The following PEX39 variants were observed in gnomAD, a reference collection of about 807,000 sequenced individuals.
PEX39 encodes peroxisomal biogenesis factor 39.
chr6:42,890,788 T>C, the PEX39 span: 7 of 1,568,928 alleles, frequency 4.5e-6, no homozygotes, highest in East Asian at 4.6e-5. Context: ...GGACGCTCCA[T>C]GTCGGGTCGC....
At chr6:42,890,465 C>A in the PEX39 span, 1 of 1,497,296 alleles carries the variant, frequency 6.7e-7, no homozygotes. Context: ...AGATCGCCGC[C>A]GCAAAGGACC....
chr6:42,890,755 G>A, the PEX39 span: 2 of 1,605,040 alleles, frequency 1.2e-6, no homozygotes, highest in Non-Finnish European at 1.7e-6. Context: ...GCAGAGGCCG[G>A]GGCCGAGCAT....
the PEX39 span, chr6:42,890,793 G>T: frequency 6.4e-7 from 1 of 1,564,614 alleles, no homozygotes; most frequent in African/African-American, 1.4e-5. Flanking sequence ...CTCCATGTCG[G>T]GTCGCGAATC....
chr6:42,890,470 A>T, the PEX39 span: 1 of 1,496,764 alleles, frequency 6.7e-7, no homozygotes, highest in Non-Finnish European at 8.9e-7. Flanking sequence ...GCCGCCGCAA[A>T]GGACCTGGAA....
the PEX39 span, chr6:42,890,637 G>A: frequency 2.5e-5 from 40 of 1,612,588 alleles, no homozygotes; most frequent in African/African-American, 1.6e-4. Flanking sequence ...CAGCCGGGAC[G>A]CTGTGGGTTC....
the PEX39 span, chr6:42,890,539 G>T: frequency 1.3e-6 from 2 of 1,583,080 alleles, no homozygotes. Flanking sequence ...ACCAAGCCAG[G>T]CTCCGCCGGG....
the PEX39 span, chr6:42,890,561 C>T: frequency 1.2e-6 from 2 of 1,606,596 alleles, no homozygotes; most frequent in South Asian, 2.2e-5. Context: ...CCGTTCCTAT[C>T]CTGAGGGTCG....
chr6:42,890,790 T>C, the PEX39 span: 164 of 1,567,462 alleles, frequency 1.0e-4, no homozygotes, highest in Non-Finnish European at 1.4e-4. Flanking sequence ...ACGCTCCATG[T>C]CGGGTCGCGA....
At chr6:42,890,365 G>T in the PEX39 span, 1 of 949,152 alleles carries the variant, frequency 1.1e-6, no homozygotes, top group Non-Finnish European at 1.5e-6. Context: ...CATGGTGGTT[G>T]CAGGAGCAAG....
chr6:42,890,539 GC>G, the PEX39 span: 1 of 1,583,080 alleles, frequency 6.3e-7, no homozygotes, highest in South Asian at 1.1e-5. Context: ...ACCAAGCCAG[GC>G]TCCGCCGGGG....
chr6:42,890,809 C>G, the PEX39 span: 30 of 1,552,870 alleles, frequency 1.9e-5, 1 homozygote, highest in South Asian at 3.5e-4. Flanking sequence ...GAATCCTGAC[C>G]GGCGTGTAAT....
At chr6:42,890,790 T>G in the PEX39 span, 1 of 1,567,462 alleles carries the variant, frequency 6.4e-7, no homozygotes, top group South Asian at 1.2e-5. Context: ...ACGCTCCATG[T>G]CGGGTCGCGA....
At chr6:42,890,743 A>C in the PEX39 span, 1 of 1,607,920 alleles carries the variant, frequency 6.2e-7, no homozygotes, top group Non-Finnish European at 8.5e-7. Flanking sequence ...ACCGAAGCTG[A>C]GGCAGAGGCC....
the PEX39 span, chr6:42,890,419 CTG>C: frequency 2.8e-6 from 4 of 1,445,494 alleles, no homozygotes; most frequent in Admixed American, 2.6e-5. Flanking sequence ...AGATGAGTAA[CTG>C]AATGGCATCC....
the PEX39 span, chr6:42,890,746 C>T: frequency 6.2e-7 from 1 of 1,607,414 alleles, no homozygotes; most frequent in Non-Finnish European, 8.5e-7. Context: ...GAAGCTGAGG[C>T]AGAGGCCGGG....
chr6:42,890,550 G>A, the PEX39 span: 3 of 1,593,098 alleles, frequency 1.9e-6, no homozygotes, highest in South Asian at 3.4e-5. Context: ...CTCCGCCGGG[G>A]CCGTTCCTAT....
the PEX39 span, chr6:42,890,344 T>C: frequency 6.9e-6 from 5 of 725,048 alleles, no homozygotes; most frequent in Admixed American, 1.6e-4. Context: ...CAAATGTAAA[T>C]GCAAAACCCC....
chr6:42,890,467 C>G, the PEX39 span: 4 of 1,497,724 alleles, frequency 2.7e-6, no homozygotes, highest in Non-Finnish European at 3.6e-6. Context: ...ATCGCCGCCG[C>G]AAAGGACCTG....
chr6:42,890,754 G>A, the PEX39 span: 1 of 1,604,642 alleles, frequency 6.2e-7, no homozygotes, highest in Non-Finnish European at 8.5e-7. Flanking sequence ...GGCAGAGGCC[G>A]GGGCCGAGCA....
Sources: gnomAD v4.1 joint callset for allele counts on GRCh38, gnomAD v4.1.1 for gene constraint, MANE v1.5 for transcripts, NCBI Gene and HGNC (gene_info 2026-07-23, HGNC 2026-07-21) for gene names.